Variants in LNPK observed in about 807,000 individuals in gnomAD.
The protein encoded by LNPK is lunapark, ER junction formation factor, also known as endoplasmic reticulum junction formation protein lunapark.
In LNPK, 29 loss-of-function variants were observed where a neutral mutation model predicts 55.2. That is an observed-to-expected ratio of 0.53 (90% CI 0.39 to 0.72). The LOEUF is 0.72. Ranked by LOEUF, LNPK falls within the 30% of genes least tolerant of loss-of-function variation. LNPK has a pLI of 0.00. For missense variants in LNPK, 467 were observed against 494.8 expected, an observed-to-expected ratio of 0.94 and a Z score of 0.53; for synonymous variants, 162 against 168.2, an observed-to-expected ratio of 0.96 and a Z score of 0.29.
intron 6 of LNPK, among the ~76,000 whole-genome samples, chr2:175,969,131 C>A (rs2105647572): frequency 6.6e-6 from 1 of 152,024 alleles, no homozygotes; most frequent in South Asian, 2.1e-4. Context: ...AGTATTATAA[C>A]CAACAATAAT....
intron 8 of LNPK, among the ~76,000 whole-genome samples, chr2:175,951,157 T>A (rs1685378274): frequency 6.6e-6 from 1 of 152,092 alleles, no homozygotes; most frequent in African/African-American, 2.4e-5. Flanking sequence ...ATTATCAAGC[T>A]GTGGTAGGAA....
intron 8 of LNPK, among the ~76,000 whole-genome samples, chr2:175,956,732 T>C (rs72912939): frequency 0.033 from 5,078 of 152,246 alleles, 144 homozygotes; most frequent in South Asian, 0.094. Flanking sequence ...TCACTACCAC[T>C]CATGTCTTTA....
chr2:175,952,385 T>C (rs994415280), intron 8 of LNPK, among the ~76,000 whole-genome samples: 1 of 152,040 alleles, frequency 6.6e-6, no homozygotes, highest in African/African-American at 2.4e-5. Context: ...ACTATAGTAC[T>C]ATAGTTAGGG....
Position 175,992,323 on chromosome 2 carries a change from CAGAT to C in LNPK, c.161_164del (p.Tyr54CysfsTer5), listed in dbSNP as rs1687741706. Reference sequence around the variant, plus strand: ...ACAAATATACAATTAAGCATGTAAACAGATAGAGAACTGAGGAATACAGAATTAA... The same window carrying C: ...ACAAATATACAATTAAGCATGTAAACAGAGAACTGAGGAATACAGAATTAA... On this transcript the variant is annotated frameshift_variant, in exon 4 of 13. Transcript: ENST00000272748. LOFTEE classifies it high-confidence loss of function. The C allele has an allele frequency of 1.4e-5, 22 of 1,566,324 alleles. No individual in the cohort carries two copies. Among genetic ancestry groups the C allele is most frequent in the Non-Finnish European group, 1.9e-5 (22 of 1,161,494 alleles).
At chr2:176,002,459 C>A, upstream of LNPK, 1 of 308,786 alleles carries the variant, frequency 3.2e-6, no homozygotes, top group South Asian at 2.4e-5. Context: ...GGTGTCGTGT[C>A]GCAGTTATGT....
intron 6 of LNPK, among the ~76,000 whole-genome samples, chr2:175,964,843 T>C (rs1400700387): frequency 2.6e-5 from 4 of 152,292 alleles, no homozygotes; most frequent in South Asian, 4.1e-4. Context: ...AATAATTACA[T>C]GCACCAACTT....
intron 8 of LNPK, among the ~76,000 whole-genome samples, chr2:175,949,448 TTTTCAGCCAAC>T (rs1316903064): frequency 1.2e-4 from 19 of 152,244 alleles, no homozygotes; most frequent in Admixed American, 1.0e-3. Flanking sequence ...TGTAAATCAT[TTTTCAGCCAAC>T]TTTCAGGTAA....
chr2:175,964,773 T>C (rs1421761244), intron 6 of LNPK, among the ~76,000 whole-genome samples, 184 bp from the exon 7 acceptor site: 1 of 152,210 alleles, frequency 6.6e-6, no homozygotes, highest in African/African-American at 2.4e-5. Flanking sequence ...TTACTTGTAC[T>C]TAACAGTTTT....
chr2:175,992,296 C>A lies in LNPK; in HGVS notation c.192G>T (p.Trp64Cys). Residue 64 changes from tryptophan to cysteine, a missense_variant, in exon 4 of 13, where the codon TGG (tryptophan) becomes TGT (cysteine). Transcript: ENST00000272748. Reference sequence around the variant, plus strand: ...TTGCTGTAAATTCATCAGGAAGATACCACAAATATACAATTAAGCATGTAA... The same window carrying A: ...TTGCTGTAAATTCATCAGGAAGATAACACAAATATACAATTAAGCATGTAA... ...YLFTCLIVYL[W>C]YLPDEFTARL... is the part of the protein sequence containing the mutation. 6.4e-7 allele frequency: 1 copy of A among 1,572,768 alleles called. No individual in the cohort carries two copies. Among genetic ancestry groups the A allele is most frequent in the Non-Finnish European group, 8.6e-7 (1 of 1,165,966 alleles).
intron 11 of LNPK, 155 bp from the exon 12 acceptor site, chr2:175,937,669 A>G (rs1033949111): frequency 7.3e-6 from 4 of 547,210 alleles, no homozygotes; most frequent in Non-Finnish European, 1.3e-5. Flanking sequence ...TAGATGCTCT[A>G]AACAGAACTA....
chr2:175,992,346 G>A lies in LNPK; in HGVS notation c.142C>T (p.Leu48=). The A allele has an allele frequency of 6.5e-7, 1 of 1,544,294 alleles. No individual in the cohort carries two copies. The highest frequency in any genetic ancestry group is 1.4e-5 in the African/African-American group (1 of 70,700). The change falls in exon 4 of 13, where the codon CTG becomes TTG. Residue 48 remains leucine, a synonymous_variant. Transcript: ENST00000272748. The part of the protein sequence containing the change: ...LQKLWVGRLI[L]YSSVLYLFTC... ...AACAGATAGAGAACTGAGGAATACA[G>A]AATTAATCTTCCAACCCATAATTTT...
At chr2:175,975,843 T>C (rs1427781788) in intron 5 of LNPK, among the ~76,000 whole-genome samples, 1 of 152,190 alleles carries the variant, frequency 6.6e-6, no homozygotes, top group Non-Finnish European at 1.5e-5. Flanking sequence ...AAACCCTGTC[T>C]CTATTAAAAA....
chr2:175,963,462 A>G (rs566662808), intron 8 of LNPK, among the ~76,000 whole-genome samples: 1 of 152,198 alleles, frequency 6.6e-6, no homozygotes, highest in African/African-American at 2.4e-5. Flanking sequence ...AGAACAAAAA[A>G]CCAAACACTG....
At chr2:175,985,561 G>A (rs1391714763) in intron 4 of LNPK, among the ~76,000 whole-genome samples, 7 of 151,970 alleles carry the variant, frequency 4.6e-5, no homozygotes, top group Non-Finnish European at 8.8e-5. Context: ...ATATCTTCCC[G>A]TTTTCCAGGC....
intron 8 of LNPK, among the ~76,000 whole-genome samples, chr2:175,950,004 A>AT (rs1262595593): frequency 6.6e-6 from 1 of 152,082 alleles, no homozygotes; most frequent in African/African-American, 2.4e-5. Context: ...GTCATATTAG[A>AT]TATGTTCAAC....
In LNPK at chr2:175,936,191, G is replaced by C. The variant is rs528789816; in HGVS notation, c.1054+1153C>G. 2.5e-4 allele frequency among the ~76,000 whole-genome samples: 38 copies of C among 152,200 alleles called. No individual in the cohort carries two copies. The South Asian group carries it at 5.6e-3, about 22-fold the overall frequency. On this transcript the variant is annotated intron_variant, in intron 12 of 12. Coordinates refer to ENST00000272748, the MANE Select transcript of LNPK (RefSeq NM_030650.3). ...AAGATGAATGCATTGATTCAGTGTT[G>C]GAAGAATACAGGCCTCTGTCATAGC...
chr2:175,975,459 A>AT, intron 5 of LNPK, among the ~76,000 whole-genome samples: 1 of 152,188 alleles, frequency 6.6e-6, no homozygotes, highest in African/African-American at 2.4e-5. Flanking sequence ...TTTTCATTTT[A>AT]TTTTTTTGTG....
intron 8 of LNPK, among the ~76,000 whole-genome samples, chr2:175,954,212 T>C (rs1183641751): frequency 6.6e-6 from 1 of 152,202 alleles, no homozygotes; most frequent in Admixed American, 6.5e-5. Flanking sequence ...AGACACATGA[T>C]GTGGGAAAGG....
chr2:175,931,658 T>A (rs1198977783), intron 12 of LNPK, among the ~76,000 whole-genome samples: 1 of 152,152 alleles, frequency 6.6e-6, no homozygotes, highest in African/African-American at 2.4e-5. Context: ...ATCTCATTTT[T>A]AAAAATCCTA....
Sources: gnomAD v4.1 joint callset for allele counts (sites outside exome capture counted in the v4.1 genomes callset) on GRCh38, gnomAD v4.1.1 for gene constraint, MANE v1.5 for transcripts, NCBI Gene and HGNC (gene_info 2026-07-23, HGNC 2026-07-21) for gene names.